The following CACNA2D3 variants were observed in gnomAD, a reference collection of about 807,000 sequenced individuals.
CACNA2D3 encodes the protein calcium voltage-gated channel auxiliary subunit alpha2delta 3, also known as voltage-dependent calcium channel subunit alpha-2/delta-3.
Under a neutral mutation model 160.6 loss-of-function variants are expected in CACNA2D3, and 60 were observed. That is an observed-to-expected ratio of 0.37 (90% CI 0.30 to 0.46). CACNA2D3 has a LOEUF of 0.46. Ranked by LOEUF, CACNA2D3 falls within the 20% of genes least tolerant of loss-of-function variation. The probability of loss-of-function intolerance (pLI) is 1.00; values close to 1 mark genes in which losing one functional copy is unlikely to be tolerated. For missense variants in CACNA2D3, 1,205 were observed against 1,365.0 expected (o/e 0.88, Z 1.85); for synonymous variants, 558 against 492.9 (o/e 1.13, Z -1.75).
chr3:54,574,396 A>T (rs771049079), intron 8 of CACNA2D3, among the ~76,000 whole-genome samples: 2 of 152,190 alleles, frequency 1.3e-5, no homozygotes, highest in Non-Finnish European at 2.9e-5. Context: ...TGTGAACTGC[A>T]TGTTTAATAT....
chr3:54,562,069 C>T (rs1702334502), intron 5 of CACNA2D3, among the ~76,000 whole-genome samples: 1 of 152,126 alleles, frequency 6.6e-6, no homozygotes, highest in African/African-American at 2.4e-5. Flanking sequence ...CTACCAGGTC[C>T]CTCCCACAAC....
At chr3:54,402,230 G>T (rs1699481109) in intron 4 of CACNA2D3, among the ~76,000 whole-genome samples, 1 of 151,926 alleles carries the variant, frequency 6.6e-6, no homozygotes, top group African/African-American at 2.4e-5. Flanking sequence ...CAAAGGATCT[G>T]TGAAACAACC....
At chr3:54,129,154 A>G (rs1017078868) in intron 2 of CACNA2D3, among the ~76,000 whole-genome samples, 33 of 152,246 alleles carry the variant, frequency 2.2e-4, no homozygotes, top group Non-Finnish European at 4.3e-4. Context: ...TGGTTGTTCT[A>G]TAATGTAAAA....
chr3:54,284,033 G>T (rs1294751656), intron 2 of CACNA2D3, among the ~76,000 whole-genome samples: 1 of 152,224 alleles, frequency 6.6e-6, no homozygotes, highest in East Asian at 1.9e-4. Context: ...CTGCACTCCA[G>T]CCTGGGCGAC....
At chr3:54,755,849 C>G (rs1024126576) in intron 12 of CACNA2D3, among the ~76,000 whole-genome samples, 7 of 151,884 alleles carry the variant, frequency 4.6e-5, no homozygotes, top group African/African-American at 1.7e-4. Flanking sequence ...TTATTTCTTG[C>G]CACATCAGAT....
chr3:54,154,600 T>C (rs1274666705), intron 2 of CACNA2D3, among the ~76,000 whole-genome samples: 1 of 152,172 alleles, frequency 6.6e-6, no homozygotes, highest in East Asian at 1.9e-4. Context: ...CTTTTGCAGG[T>C]AGCTTGTCCC....
intron 14 of CACNA2D3, among the ~76,000 whole-genome samples, chr3:54,834,090 G>T (rs1213935196): frequency 1.3e-5 from 2 of 152,220 alleles, no homozygotes; most frequent in African/African-American, 4.8e-5. Context: ...ATTAGCTCCT[G>T]AGTGAAGTTG....
intron 11 of CACNA2D3, among the ~76,000 whole-genome samples, chr3:54,697,977 T>TA (rs1320212642): frequency 1.3e-5 from 2 of 152,226 alleles, no homozygotes; most frequent in Non-Finnish European, 2.9e-5. Context: ...CACAATATGT[T>TA]ACGTTAGCAA....
At chr3:54,563,874 G>A (rs1351599530) in intron 6 of CACNA2D3, among the ~76,000 whole-genome samples, 2 of 152,138 alleles carry the variant, frequency 1.3e-5, no homozygotes, top group Admixed American at 1.3e-4. Context: ...TCTGACCCTC[G>A]AGAATTGCCT....
intron 31 of CACNA2D3, among the ~76,000 whole-genome samples, chr3:54,989,170 A>G (rs1027772165): frequency 6.6e-6 from 1 of 152,220 alleles, no homozygotes; most frequent in African/African-American, 2.4e-5. Context: ...GAGACAAAAG[A>G]TGAGGAATAA....
At chr3:54,958,296 G>C (rs1193609848) in intron 27 of CACNA2D3, among the ~76,000 whole-genome samples, 1 of 152,256 alleles carries the variant, frequency 6.6e-6, no homozygotes, top group African/African-American at 2.4e-5. Context: ...AGGAGGCTGA[G>C]GCAGGAGGAC....
chr3:54,965,200 CA>C (rs758635911), intron 27 of CACNA2D3, among the ~76,000 whole-genome samples: 37 of 151,694 alleles, frequency 2.4e-4, no homozygotes, highest in Non-Finnish European at 4.4e-4. Context: ...ACTTTATTTA[CA>C]AAAAGAGGCT....
intron 3 of CACNA2D3, among the ~76,000 whole-genome samples, chr3:54,355,383 G>A (rs543607575): frequency 1.3e-5 from 2 of 152,356 alleles, no homozygotes; most frequent in Admixed American, 6.5e-5. Context: ...AGGAGCTAGA[G>A]TGGAAATAAA....
rs956909531 is a variant in CACNA2D3, at chr3:54,854,115, T to C, written c.1626+7648T>C. Among the ~76,000 whole-genome samples the C allele has an allele frequency of 3.3e-5, 5 of 152,126 alleles. No homozygotes were observed. In the South Asian group the frequency reaches 1.0e-3, roughly 32 times the overall value. On this transcript the variant is annotated intron_variant, in intron 17 of 37. Transcript: ENST00000474759. ...CAACCTAGGCCTGGTCTGAGTCCAT[T>C]TCGTTTAGTTTCAAAGAAAGAATTA... is the stretch of plus-strand genomic sequence containing the variant.
Position 54,584,150 on chromosome 3 carries a change from T to G in CACNA2D3, c.963+2273T>G, listed in dbSNP as rs960451365. Among the ~76,000 whole-genome samples, 6 of 151,180 alleles carry G rather than the reference T, an allele frequency of 4.0e-5. No individual in the cohort carries two copies. In the East Asian group the frequency reaches 7.8e-4, roughly 20 times the overall value. The stretch of plus-strand genomic sequence containing the variant: ...GGATCCAGAGTCTCATAATATAAAA[T>G]CCATAATGCCCAGAATGCAATTAAA... On this transcript the variant is annotated intron_variant, in intron 9 of 37. Coordinates refer to ENST00000474759, the MANE Select transcript of CACNA2D3 (RefSeq NM_018398.3).
At chr3:54,922,134 G>A (rs546503341) in intron 27 of CACNA2D3, among the ~76,000 whole-genome samples, 25 of 152,160 alleles carry the variant, frequency 1.6e-4, no homozygotes, top group African/African-American at 5.1e-4. Context: ...GTTGAAATGC[G>A]TCACAGAATC....
intron 11 of CACNA2D3, among the ~76,000 whole-genome samples, chr3:54,751,400 A>G (rs1701854415): frequency 6.6e-6 from 1 of 152,234 alleles, no homozygotes; most frequent in Non-Finnish European, 1.5e-5. Flanking sequence ...CCCAGATTAG[A>G]GGATATGCAT....
intron 4 of CACNA2D3, among the ~76,000 whole-genome samples, chr3:54,389,645 A>C (rs141132783): frequency 6.6e-6 from 1 of 152,220 alleles, no homozygotes; most frequent in Non-Finnish European, 1.5e-5. Context: ...AGTTATGTAG[A>C]ATTCTTGCCC....
At chr3:54,963,903 A>C (rs1446287298) in intron 27 of CACNA2D3, among the ~76,000 whole-genome samples, 2 of 152,220 alleles carry the variant, frequency 1.3e-5, no homozygotes, top group Non-Finnish European at 1.5e-5. Flanking sequence ...GGAAAAGAGG[A>C]AGTCTGGAAG....
Sources: gnomAD v4.1 joint callset for allele counts (sites outside exome capture counted in the v4.1 genomes callset) on GRCh38, gnomAD v4.1.1 for gene constraint, MANE v1.5 for transcripts, NCBI Gene and HGNC (gene_info 2026-07-23, HGNC 2026-07-21) for gene names.